Variants in PACSIN2 observed in about 807,000 individuals in gnomAD.
The protein encoded by PACSIN2 is protein kinase C and casein kinase substrate in neurons 2.
In PACSIN2, 25 loss-of-function variants were observed where a neutral mutation model predicts 63.8. That is an observed-to-expected ratio of 0.39 (90% CI 0.29 to 0.55). PACSIN2 has a LOEUF of 0.55. PACSIN2 is among the 20% of genes least tolerant of loss of function. The probability of loss-of-function intolerance (pLI) is 0.62; values close to 1 mark genes in which losing one functional copy is unlikely to be tolerated. For synonymous variants in PACSIN2, 255 were observed against 256.2 expected, an observed-to-expected ratio of 1.00 and a Z score of 0.05; for missense variants, 518 against 646.9, an observed-to-expected ratio of 0.80 and a Z score of 2.16.
intron 1 of PACSIN2, among the ~76,000 whole-genome samples, chr22:42,960,071 C>G (rs143482042): frequency 6.6e-6 from 1 of 152,148 alleles, no homozygotes; most frequent in Non-Finnish European, 1.5e-5. Flanking sequence ...AGTATTTCCA[C>G]GGAAAATCAG....
chr22:42,974,763 AAAG>A (rs1453366554), intron 1 of PACSIN2, among the ~76,000 whole-genome samples: 6 of 150,924 alleles, frequency 4.0e-5, no homozygotes, highest in African/African-American at 1.5e-4. Context: ...AAAAAAAAAA[AAAG>A]AAAAGAAAAG....
At chr22:42,885,721 C>A (rs1859424268) in intron 5 of PACSIN2, among the ~76,000 whole-genome samples, 1 of 152,132 alleles carries the variant, frequency 6.6e-6, no homozygotes, top group South Asian at 2.1e-4. Flanking sequence ...CAGGTTCCAC[C>A]CCGCCCTCTA....
chr22:42,896,289 T>C (rs1464406188), intron 2 of PACSIN2, among the ~76,000 whole-genome samples: 1 of 152,202 alleles, frequency 6.6e-6, no homozygotes, highest in African/African-American at 2.4e-5. Context: ...CTGGCTTCTG[T>C]CACCCACCAT....
At chr22:42,934,856 G>A (rs938162000) in intron 1 of PACSIN2, among the ~76,000 whole-genome samples, 2 of 152,122 alleles carry the variant, frequency 1.3e-5, no homozygotes, top group African/African-American at 4.8e-5. Context: ...AGAAAAAATG[G>A]AGCCAGGGCA....
chr22:42,965,603 GTTCTGT>G lies in PACSIN2; in HGVS notation c.-78+49412_-78+49417del, dbSNP rs1409291320. On this transcript the variant is annotated intron_variant, in intron 1 of 10. Coordinates refer to ENST00000263246, the MANE Select transcript of PACSIN2 (RefSeq NM_001184970.3). ...CCTCAGATTCAAAAGATTAAAGTAA[GTTCTGT>G]GTCATTTTAGCCCAAGTGTATTTCT... Among the ~76,000 whole-genome samples, 3 of 152,308 alleles carry G rather than the reference GTTCTGT, an allele frequency of 2.0e-5. No homozygotes were observed. In the East Asian group the frequency reaches 5.8e-4, roughly 29 times the overall value.
intron 1 of PACSIN2, among the ~76,000 whole-genome samples, chr22:43,005,697 T>C (rs889840061): frequency 6.6e-6 from 1 of 152,168 alleles, no homozygotes; most frequent in African/African-American, 2.4e-5. Context: ...TTCACTTACG[T>C]AGACTGATAG....
chr22:42,871,128 G>C lies in PACSIN2; in HGVS notation c.*229C>G. The C allele has an allele frequency of 1.8e-6, 1 of 569,480 alleles. No homozygotes were observed. Among genetic ancestry groups the C allele is most frequent in the Non-Finnish European group, 3.2e-6 (1 of 317,026 alleles). The allele number at this position is 569,480 out of a possible 1,614,324, so 35.3% of individuals were successfully genotyped here. The stretch of plus-strand genomic sequence containing the variant: ...ACAGGCACAGTGGGCGGGGAGGGGC[G>C]GCTATTTCTGTTGTTCTGCGTCTTC... On this transcript the variant is annotated 3_prime_UTR_variant, in exon 11 of 11. Coordinates refer to ENST00000263246, the MANE Select transcript of PACSIN2 (RefSeq NM_001184970.3). The surrounding 1 kb of genome is among the most constrained non-coding windows in gnomAD (Gnocchi z 5.4).
chr22:42,958,891 T>C (rs991181204), intron 1 of PACSIN2, among the ~76,000 whole-genome samples: 2 of 152,206 alleles, frequency 1.3e-5, no homozygotes, highest in East Asian at 3.8e-4. Context: ...TTTAAAAATC[T>C]AATTAGAATT....
intron 1 of PACSIN2, among the ~76,000 whole-genome samples, chr22:42,937,210 T>C (rs901027683): frequency 6.6e-6 from 1 of 152,068 alleles, no homozygotes; most frequent in Non-Finnish European, 1.5e-5. Flanking sequence ...AGACTGCTTC[T>C]AAACAGAGTG....
intron 1 of PACSIN2, among the ~76,000 whole-genome samples, chr22:42,922,887 G>A (rs1932287043): frequency 6.6e-6 from 1 of 152,170 alleles, no homozygotes; most frequent in South Asian, 2.1e-4. Flanking sequence ...ACACAGAGAA[G>A]TAGGGCACTC....
At chr22:42,950,960 C>A (rs1450689589) in intron 1 of PACSIN2, among the ~76,000 whole-genome samples, 1 of 151,920 alleles carries the variant, frequency 6.6e-6, no homozygotes, top group African/African-American at 2.4e-5. Context: ...AAGCATGAAG[C>A]CAAGTGGGGG....
Position 42,871,483 on chromosome 22 carries a change from A to T in PACSIN2, c.1349-14T>A, listed in dbSNP as rs775284434. On this transcript the variant is annotated splice_polypyrimidine_tract_variant and intron_variant, in intron 10 of 10. Transcript: ENST00000263246. This position sits in a 1 kb window ranked among gnomAD's most constrained non-coding sequence, Gnocchi z 5.4. Reference sequence around the variant, plus strand: ...TCAGCTCATCCCCTGCAAGACAAAGAGGGAGCCGTCTCCATGAGAGGTATG... The same window carrying T: ...TCAGCTCATCCCCTGCAAGACAAAGTGGGAGCCGTCTCCATGAGAGGTATG... 37 of 1,592,530 alleles carry T rather than the reference A, an allele frequency of 2.3e-5. No homozygotes were observed. The highest frequency in any genetic ancestry group is 2.9e-5 in the Non-Finnish European group (34 of 1,160,262).
At chr22:42,976,165 C>T (rs780979722) in intron 1 of PACSIN2, among the ~76,000 whole-genome samples, 2 of 152,244 alleles carry the variant, frequency 1.3e-5, no homozygotes, top group Non-Finnish European at 2.9e-5. Context: ...AGAGGGAGTA[C>T]AGAACCTTGG....
chr22:42,880,146 G>A (rs556636480), intron 7 of PACSIN2, among the ~76,000 whole-genome samples: 14 of 152,250 alleles, frequency 9.2e-5, no homozygotes, highest in African/African-American at 1.9e-4. Context: ...CTGAGTCCAC[G>A]GCTCTGCTCA....
In PACSIN2 at chr22:42,879,008, A is replaced by G. The variant is rs551848545; in HGVS notation, c.1028+40T>C. ...ATGCAGATTGCCCAGGGCCCCCACC[A>G]TGGAACGGCCTCTTTTGGATGGAGG... On this transcript the variant is annotated intron_variant, in intron 8 of 10. Transcript: ENST00000263246. 2.8e-5 allele frequency: 45 copies of G among 1,595,598 alleles called. No homozygotes were observed. In the East Asian group the frequency reaches 9.6e-4, roughly 34 times the overall value.
At chr22:42,907,274 C>CTG (rs1264239955) in intron 2 of PACSIN2, among the ~76,000 whole-genome samples, 1 of 152,234 alleles carries the variant, frequency 6.6e-6, no homozygotes, top group African/African-American at 2.4e-5. Flanking sequence ...ATGCAGAAAA[C>CTG]TGAAGCTTCC....
intron 1 of PACSIN2, among the ~76,000 whole-genome samples, chr22:42,923,573 G>A (rs1368893412): frequency 2.0e-5 from 3 of 152,044 alleles, no homozygotes; most frequent in South Asian, 2.1e-4. Context: ...GACTACAGGC[G>A]CCCGCCACCA....
At chr22:42,960,547 G>C (rs1415984160) in intron 1 of PACSIN2, among the ~76,000 whole-genome samples, 1 of 152,178 alleles carries the variant, frequency 6.6e-6, no homozygotes, top group African/African-American at 2.4e-5. Context: ...TTTTTACAAA[G>C]AATTTAAAGT....
At position 42,893,529 on chromosome 22, in the gene PACSIN2, C is replaced by T; in HGVS notation, c.145G>A (p.Ala49Thr). Residue 49 changes from alanine (A) to threonine (T), a missense_variant, in exon 3 of 11, where the codon GCG (alanine) becomes ACG (threonine). By Grantham distance (58) the Ala-to-Thr change is moderately conservative. Around this residue, in one of 2 missense-constraint regions of PACSIN2, gnomAD observed 507 missense variants for 612.3 expected, o/e 0.83. Transcript: ENST00000263246. ...TGCGCATACGCCTTCTCGATGCGCGCCCGCTCATGCAGGCAGTTCATGAGG... is the reference window on the plus strand; with the variant it reads ...TGCGCATACGCCTTCTCGATGCGCGTCCGCTCATGCAGGCAGTTCATGAGG... The part of the protein sequence containing the change: ...SDLMNCLHER[A>T]RIEKAYAQQL... The T allele has an allele frequency of 6.2e-7, 1 of 1,614,118 alleles. No individual in the cohort carries two copies. Among genetic ancestry groups the T allele is most frequent in the Non-Finnish European group, 8.5e-7 (1 of 1,180,040 alleles).
Sources: gnomAD v4.1 joint callset for allele counts (sites outside exome capture counted in the v4.1 genomes callset) on GRCh38, gnomAD v4.1.1 for gene constraint, gnomAD v4.1.1 regional missense constraint, Gnocchi (gnomAD v3.1) non-coding constraint, MANE v1.5 for transcripts, NCBI Gene and HGNC (gene_info 2026-07-23, HGNC 2026-07-21) for gene names.